The following DAB1 variants were observed in gnomAD, a reference collection of about 807,000 sequenced individuals.
DAB1 encodes the protein disabled homolog 1.
In DAB1, 15 loss-of-function variants were observed where a neutral mutation model predicts 64.6. The ratio of observed to expected loss-of-function variants is 0.23; its 90% CI spans 0.16 to 0.36. The LOEUF (loss-of-function observed/expected upper bound fraction) is 0.36, where lower values mean the gene tolerates loss of function less well. Among genes scored for constraint, DAB1 ranks in the 10% least tolerant of loss-of-function variants. The pLI is 1.00. For missense variants in DAB1, 596 were observed against 706.7 expected, an observed-to-expected ratio of 0.84 and a Z score of 1.78; for synonymous variants, 235 against 251.9, an observed-to-expected ratio of 0.93 and a Z score of 0.64.
chr1:57,764,533 T>G (rs541640637), intron 6 of DAB1, among the ~76,000 whole-genome samples: 1 of 152,326 alleles, frequency 6.6e-6, no homozygotes, highest in East Asian at 1.9e-4. Context: ...ATTTCTGCTA[T>G]CTGGCCAAAA....
At chr1:57,955,874 A>T (rs1489462492) in intron 5 of DAB1, among the ~76,000 whole-genome samples, 1 of 152,212 alleles carries the variant, frequency 6.6e-6, no homozygotes, top group Non-Finnish European at 1.5e-5. Context: ...ATTATATGGT[A>T]TATACTGGTC....
At chr1:57,155,753 CTT>C (rs369604250) in intron 2 of DAB1, among the ~76,000 whole-genome samples, 8,985 of 127,954 alleles carry the variant, frequency 0.07, 955 homozygotes, top group African/African-American at 0.24. Context: ...AGAGATCTTT[CTT>C]TTTTTTTTTT....
chr1:57,871,008 G>A (rs1388828499), intron 1 of DAB1, among the ~76,000 whole-genome samples: 2 of 152,136 alleles, frequency 1.3e-5, no homozygotes, highest in East Asian at 1.9e-4. Flanking sequence ...ATAAATGGCT[G>A]ACAATAGCTT....
chr1:58,124,409 G>T (rs1652938463), intron 5 of DAB1, among the ~76,000 whole-genome samples: 1 of 152,068 alleles, frequency 6.6e-6, no homozygotes, highest in Non-Finnish European at 1.5e-5. Flanking sequence ...AACATTGGCG[G>T]CTACCCTGGG....
At chr1:57,287,485 C>A (rs1326434812) in intron 2 of DAB1, among the ~76,000 whole-genome samples, 3 of 151,994 alleles carry the variant, frequency 2.0e-5, no homozygotes, top group Admixed American at 2.0e-4. Context: ...ACAGATCCAG[C>A]CAATTAGAGA....
chr1:57,775,524 T>C (rs920555022), intron 6 of DAB1, among the ~76,000 whole-genome samples: 3 of 151,620 alleles, frequency 2.0e-5, no homozygotes, highest in Non-Finnish European at 4.4e-5. Context: ...TTCTTTGACA[T>C]GTTTTAGTTG....
chr1:58,505,196 C>G (rs368415308), intron 3 of DAB1, among the ~76,000 whole-genome samples: 1 of 152,308 alleles, frequency 6.6e-6, no homozygotes, highest in African/African-American at 2.4e-5. Context: ...AGGTGATCCA[C>G]CCACCTCAGC....
chr1:57,938,949 TG>T (rs1303334476), intron 5 of DAB1, among the ~76,000 whole-genome samples: 1 of 152,130 alleles, frequency 6.6e-6, no homozygotes, highest in Admixed American at 6.5e-5. Context: ...CAATGTCCCC[TG>T]GTTACTCATT....
chr1:58,536,619 A>C (rs552327271), intron 1 of DAB1: 7 of 872,846 alleles, frequency 8.0e-6, no homozygotes, highest in Non-Finnish European at 1.4e-5. Context: ...AAAATAAAAC[A>C]CCACAAAGAG....
chr1:57,945,098 A>G (rs944296537), intron 5 of DAB1, among the ~76,000 whole-genome samples: 3 of 152,156 alleles, frequency 2.0e-5, no homozygotes, highest in African/African-American at 7.2e-5. Context: ...ACAACTCTGG[A>G]AAGTTAGTTA....
chr1:57,460,717 G>C (rs912750726), intron 7 of DAB1, among the ~76,000 whole-genome samples: 3 of 151,956 alleles, frequency 2.0e-5, no homozygotes, highest in African/African-American at 7.3e-5. Flanking sequence ...AGCTACAGAG[G>C]CCCCTTCATT....
At chr1:57,907,977 G>A (rs898319606) in intron 5 of DAB1, among the ~76,000 whole-genome samples, 1 of 149,908 alleles carries the variant, frequency 6.7e-6, no homozygotes, top group Non-Finnish European at 1.5e-5. Context: ...AAATTACCCA[G>A]CACCATTACT....
chr1:57,597,409 A>G (rs1253494242), intron 7 of DAB1, among the ~76,000 whole-genome samples: 2 of 152,240 alleles, frequency 1.3e-5, no homozygotes, highest in African/African-American at 2.4e-5. Context: ...GAAGAAACGG[A>G]CAAGGCAAAA....
chr1:58,217,588 C>G (rs375641481), intron 4 of DAB1, among the ~76,000 whole-genome samples: 2 of 152,314 alleles, frequency 1.3e-5, no homozygotes, highest in East Asian at 3.9e-4. Flanking sequence ...TGTTTGCCAA[C>G]AGCCATGATA....
At chr1:58,046,701 G>C (rs1339520636) in intron 5 of DAB1, among the ~76,000 whole-genome samples, 1 of 152,192 alleles carries the variant, frequency 6.6e-6, no homozygotes, top group Non-Finnish European at 1.5e-5. Context: ...CCAGAGAACA[G>C]AGCCTGAGCA....
At chr1:57,899,937 C>CTT (rs112202232) in intron 5 of DAB1, among the ~76,000 whole-genome samples, 45 of 146,050 alleles carry the variant, frequency 3.1e-4, no homozygotes, top group Admixed American at 6.9e-4. Context: ...TTATCTTTTT[C>CTT]TTTTTTTTTT....
intron 7 of DAB1, among the ~76,000 whole-genome samples, chr1:57,553,451 A>AAGG (rs1644945387): frequency 2.4e-5 from 3 of 126,310 alleles, no homozygotes; most frequent in African/African-American, 5.9e-5. Context: ...AGAGAAAGAA[A>AAGG]GAAAGAAAGA....
At chr1:57,154,984 A>G (rs1238671401) in intron 2 of DAB1, among the ~76,000 whole-genome samples, 1 of 151,968 alleles carries the variant, frequency 6.6e-6, no homozygotes, top group Non-Finnish European at 1.5e-5. Flanking sequence ...TCTGTGGGTT[A>G]TGTCTTTACT....
chr1:57,023,312 G>T (rs1234435224), intron 11 of DAB1, among the ~76,000 whole-genome samples: 1 of 152,220 alleles, frequency 6.6e-6, no homozygotes, highest in Non-Finnish European at 1.5e-5. Flanking sequence ...ATCTTGAGCT[G>T]TCTGGGTGAA....
Sources: gnomAD v4.1 joint callset for allele counts (sites outside exome capture counted in the v4.1 genomes callset) on GRCh38, gnomAD v4.1.1 for gene constraint, MANE v1.5 for transcripts, NCBI Gene and HGNC (gene_info 2026-07-23, HGNC 2026-07-21) for gene names.